The following MARCHF1 variants were observed in gnomAD, a reference collection of about 807,000 sequenced individuals.
The protein encoded by MARCHF1 is membrane associated ring-CH-type finger 1.
A neutral mutation model predicts 54.2 loss-of-function variants in MARCHF1; 40 were observed. The observed-to-expected ratio is 0.74, with a 90% CI of 0.57 to 0.96. The LOEUF is 0.96. Ranked by LOEUF, MARCHF1 falls within the 40% of genes least tolerant of loss-of-function variation. The probability of loss-of-function intolerance (pLI) is 0.00; values close to 1 mark genes in which losing one functional copy is unlikely to be tolerated. For missense variants in MARCHF1, 586 were observed against 656.5 expected, an observed-to-expected ratio of 0.89 and a Z score of 1.17; for synonymous variants, 236 against 236.3, an observed-to-expected ratio of 1.00 and a Z score of 0.01.
chr4:164,076,321 C>A (rs941767296), intron 2 of MARCHF1, among the ~76,000 whole-genome samples: 1 of 152,008 alleles, frequency 6.6e-6, no homozygotes, highest in Non-Finnish European at 1.5e-5. Flanking sequence ...GAAGAAAAGG[C>A]CTTCAATAAA....
At chr4:164,171,195 T>TAA (rs778709944) in intron 1 of MARCHF1, among the ~76,000 whole-genome samples, 28,607 of 151,900 alleles carry the variant, frequency 0.19, 4,297 homozygotes, top group African/African-American at 0.41. Context: ...TATGAACATC[T>TAA]TTATTTTATT....
rs79132526 is a variant in MARCHF1 at position 164,177,930 on chromosome 4, G to C, written c.-322-66268C>G. ...AGAAGCACTGCATCTGCTTTGGTCT[G>C]AGAGAGACAGTAATTCCACCATCAT... On this transcript the variant is annotated intron_variant, in intron 1 of 9. Coordinates refer to ENST00000514618, the MANE Select transcript of MARCHF1 (RefSeq NM_001394959.1). Among the ~76,000 whole-genome samples the C allele has an allele frequency of 1.2e-3, 190 of 152,204 alleles. 1 individual carries two copies. Among genetic ancestry groups the C allele is most frequent in the African/African-American group, 4.0e-3 (165 of 41,546 alleles).
intron 9 of MARCHF1, chr4:163,530,419 T>C (rs970440155): frequency 5.9e-5 from 9 of 152,010 alleles, no homozygotes; most frequent in African/African-American, 2.2e-4. Flanking sequence ...ATCTTCTTTA[T>C]ATTTTTCTTT....
chr4:163,726,600 T>A (rs957693457), intron 4 of MARCHF1, among the ~76,000 whole-genome samples: 2 of 152,178 alleles, frequency 1.3e-5, no homozygotes, highest in African/African-American at 4.8e-5. Context: ...GGGCATACAT[T>A]TTCAACTCAT....
At chr4:163,855,429 C>CA (rs1749744999) in intron 3 of MARCHF1, among the ~76,000 whole-genome samples, 1 of 152,138 alleles carries the variant, frequency 6.6e-6, no homozygotes, top group South Asian at 2.1e-4. Context: ...CTATTCAATA[C>CA]AAAATCTGCA....
chr4:163,577,353 GTTATAAAC>G (rs1263895742), intron 8 of MARCHF1, among the ~76,000 whole-genome samples: 3 of 152,000 alleles, frequency 2.0e-5, no homozygotes, highest in African/African-American at 7.2e-5. Flanking sequence ...AGTTTGGTGG[GTTATAAAC>G]TTCTTGATTG....
intron 2 of MARCHF1, among the ~76,000 whole-genome samples, chr4:163,989,437 T>C (rs10517796): frequency 0.46 from 69,429 of 151,914 alleles, 16,839 homozygotes; most frequent in Non-Finnish European, 0.54. Flanking sequence ...CATCAGTTAG[T>C]CTGAAGCATA....
intron 4 of MARCHF1, among the ~76,000 whole-genome samples, chr4:163,806,656 C>T (rs530277286): frequency 6.6e-6 from 1 of 152,136 alleles, no homozygotes; most frequent in African/African-American, 2.4e-5. Context: ...GGCTGGTCAC[C>T]ACTTCCCAAG....
intron 3 of MARCHF1, among the ~76,000 whole-genome samples, chr4:163,857,681 G>A (rs184774395): frequency 2.0e-5 from 3 of 152,240 alleles, no homozygotes; most frequent in East Asian, 1.9e-4. Flanking sequence ...CATTCTCTGC[G>A]AACTACATTG....
chr4:164,027,700 T>A (rs1191401724), intron 2 of MARCHF1, among the ~76,000 whole-genome samples: 1 of 151,998 alleles, frequency 6.6e-6, no homozygotes, highest in Non-Finnish European at 1.5e-5. Flanking sequence ...GCAAATAATG[T>A]TTGGCTAAGT....
intron 1 of MARCHF1, among the ~76,000 whole-genome samples, chr4:164,193,442 C>A (rs568680802): frequency 6.6e-6 from 1 of 152,168 alleles, no homozygotes; most frequent in Non-Finnish European, 1.5e-5. Context: ...ATAAAGCCTG[C>A]ACTGCTTAAC....
At chr4:163,628,807 C>T (rs190887531) in intron 5 of MARCHF1, among the ~76,000 whole-genome samples, 199 of 152,026 alleles carry the variant, frequency 1.3e-3, no homozygotes, top group African/African-American at 4.7e-3. Flanking sequence ...ACAATTGCTA[C>T]GAAGAGAAAA....
rs568737673 is a variant in MARCHF1 at position 163,785,073 on chromosome 4, A to C, written c.111+68948T>G. The stretch of plus-strand genomic sequence containing the variant: ...AAATGCGTTTATAGACACTGTGGCA[A>C]GATAAATGCTAGAGAGATAATTAAT... On this transcript the variant is annotated intron_variant, in intron 4 of 9. Coordinates refer to ENST00000514618, the MANE Select transcript of MARCHF1 (RefSeq NM_001394959.1). Among the ~76,000 whole-genome samples, 8 of 152,272 alleles carry C rather than the reference A, an allele frequency of 5.3e-5. No individual in the cohort carries two copies. The South Asian group carries it at 1.7e-3, about 32-fold the overall frequency.
chr4:163,653,675 G>A (rs535686496), intron 5 of MARCHF1, among the ~76,000 whole-genome samples: 1 of 151,590 alleles, frequency 6.6e-6, no homozygotes, highest in Non-Finnish European at 1.5e-5. Context: ...AGGAAAGAAG[G>A]TAGACATCAA....
intron 4 of MARCHF1, among the ~76,000 whole-genome samples, chr4:163,818,364 C>G (rs956971168): frequency 6.6e-6 from 1 of 151,956 alleles, no homozygotes; most frequent in Non-Finnish European, 1.5e-5. Flanking sequence ...AACCCATCAC[C>G]TAGGTATTAA....
At chr4:163,717,594 C>G (rs1393012936) in intron 4 of MARCHF1, among the ~76,000 whole-genome samples, 1 of 152,128 alleles carries the variant, frequency 6.6e-6, no homozygotes, top group Admixed American at 6.5e-5. Context: ...AATGGTTGAA[C>G]TAGTTTACAG....
intron 1 of MARCHF1, among the ~76,000 whole-genome samples, chr4:164,246,051 A>G (rs1030324138): frequency 0.019 from 832 of 44,964 alleles, 93 homozygotes; most frequent in African/African-American, 0.047. Flanking sequence ...ATTCAATGCC[A>G]TCCCCATCAA....
At chr4:163,890,185 T>C (rs929719634) in intron 3 of MARCHF1, among the ~76,000 whole-genome samples, 170 of 151,868 alleles carry the variant, frequency 1.1e-3, no homozygotes, top group African/African-American at 3.6e-3. Context: ...CCACCCGCCT[T>C]GGCCTCCCAA....
intron 4 of MARCHF1, among the ~76,000 whole-genome samples, chr4:163,780,041 T>C (rs1167062181): frequency 1.3e-5 from 2 of 152,190 alleles, no homozygotes; most frequent in Non-Finnish European, 2.9e-5. Flanking sequence ...GGACCAGGCT[T>C]GGACCACACG....
Sources: allele counts gnomAD v4.1 joint callset (sites outside exome capture counted in the v4.1 genomes callset), GRCh38; gene constraint gnomAD v4.1.1; transcripts MANE v1.5; gene names NCBI Gene and HGNC (gene_info 2026-07-23, HGNC 2026-07-21).